TUT7: variants seen among roughly 807,000 people sequenced by gnomAD.
TUT7 encodes terminal uridylyl transferase 7.
A neutral mutation model predicts 165.9 loss-of-function variants in TUT7; 33 were observed. The ratio of observed to expected loss-of-function variants is 0.20; its 90% CI spans 0.15 to 0.27. The LOEUF (loss-of-function observed/expected upper bound fraction) is 0.27. TUT7 is among the 10% of genes least tolerant of loss of function. The pLI, the probability that TUT7 is intolerant of heterozygous loss-of-function variation, is 1.00. For synonymous variants in TUT7, 552 were observed against 608.1 expected (o/e 0.91, Z 1.36); for missense variants, 1,338 against 1,762.3 (o/e 0.76, Z 4.31).
chr9:86,321,269 A>C (rs1265338573), intron 14 of TUT7, among the ~76,000 whole-genome samples: 2 of 151,990 alleles, frequency 1.3e-5, no homozygotes, highest in Admixed American at 6.6e-5. Flanking sequence ...AGGCAGGAGA[A>C]TTGCTTGAAC....
chr9:86,302,503 T>C (rs868198597), intron 25 of TUT7, among the ~76,000 whole-genome samples: 1 of 152,242 alleles, frequency 6.6e-6, no homozygotes, highest in Non-Finnish European at 1.5e-5. Flanking sequence ...AGAATTTTTG[T>C]TTCCTCTTTT....
rs1832433599 is a variant in TUT7, at chr9:86,353,025, C to T, written c.175G>A (p.Gly59Arg). ...KGLQKKKITP[G>R]NYGNTPRKGP... ...TTTCTGGGGGTATTCCCATAGTTCC[C>T]TGGTGTTATCTTCTTTTTTTGAAGG... The change falls in exon 2 of 27, where the codon GGG becomes AGG. Residue 59 changes from glycine to arginine, a missense_variant. Physicochemically the swap from Gly to Arg is moderately radical, Grantham distance 125. This residue lies in a region of TUT7 where 434 missense variants were observed against 480.8 expected (regional missense o/e 0.90). Coordinates refer to ENST00000375963, the MANE Select transcript of TUT7 (RefSeq NM_024617.4). The T allele has an allele frequency of 6.2e-7, 1 of 1,614,062 alleles. No homozygotes were observed. Among genetic ancestry groups the T allele is most frequent in the African/African-American group, 1.3e-5 (1 of 74,928 alleles).
chr9:86,333,362 C>G (rs959943874), intron 10 of TUT7, among the ~76,000 whole-genome samples: 1 of 152,120 alleles, frequency 6.6e-6, no homozygotes, highest in Non-Finnish European at 1.5e-5. Flanking sequence ...CTTGGTATTC[C>G]CATTATACAT....
In TUT7 at chr9:86,345,466, A is replaced by C. The variant is rs75276478; in HGVS notation, c.819+203T>G. ...TGGGTCCTATCAATGACTTCATATA[A>C]CCTGATGCTGCCCTTAAGGAAATTC... On this transcript the variant is annotated intron_variant, in intron 4 of 26. Transcript: ENST00000375963. Among the ~76,000 whole-genome samples, 5,593 of 152,236 alleles carry C rather than the reference A, an allele frequency of 0.037. 348 individuals are homozygous for C. The highest frequency in any genetic ancestry group is 0.13 in the African/African-American group (5,235 of 41,506).
intron 17 of TUT7, among the ~76,000 whole-genome samples, chr9:86,313,473 G>C (rs879616487): frequency 6.6e-6 from 1 of 152,174 alleles, no homozygotes. Flanking sequence ...GTGTGATAGG[G>C]ATATGTGAAG....
At chr9:86,350,909 G>A (rs574394216) in intron 2 of TUT7, among the ~76,000 whole-genome samples, 3 of 152,190 alleles carry the variant, frequency 2.0e-5, no homozygotes, top group East Asian at 3.9e-4. Flanking sequence ...GAGGCAGGTC[G>A]ATCACTTGAG....
chr9:86,353,265 T>C, intron 1 of TUT7, 35 bp from the exon 2 acceptor site: 1 of 1,457,644 alleles, frequency 6.9e-7, no homozygotes, highest in East Asian at 2.3e-5. Context: ...TATCAAACTA[T>C]ATAACAAGAT....
At chr9:86,342,813 T>C (rs1469690827) in intron 6 of TUT7, among the ~76,000 whole-genome samples, 1 of 152,150 alleles carries the variant, frequency 6.6e-6, no homozygotes, top group Non-Finnish European at 1.5e-5. Flanking sequence ...TTACTCTTTT[T>C]AAGTAACAGA....
Position 86,322,985 on chromosome 9 carries a change from T to C in TUT7, c.2765A>G (p.Glu922Gly). 6.2e-7 allele frequency: 1 copy of C among 1,614,100 alleles called. No individual in the cohort carries two copies. Among genetic ancestry groups the C allele is most frequent in the East Asian group, 2.2e-5 (1 of 44,868 alleles). Residue 922 changes from glutamate to glycine, a missense_variant, in exon 13 of 27, where the codon GAA (glutamate) becomes GGA (glycine). By Grantham distance (98) the Glu-to-Gly change is moderately conservative. Transcript: ENST00000375963. ...GKHVERALLV[E>G]LNKISLKEEN... ...TTCCTTGAGACTTATTTTATTAAGT[T>C]CCACTAGGAGAGCTCTTTCTACATG...
At chr9:86,320,584 G>A (rs1018752479) in intron 14 of TUT7, among the ~76,000 whole-genome samples, 2 of 152,156 alleles carry the variant, frequency 1.3e-5, no homozygotes, top group African/African-American at 4.8e-5. Flanking sequence ...AAGGGAGTGT[G>A]TAGTGTTATT....
chr9:86,348,929 TA>T (rs1477923316), intron 2 of TUT7, among the ~76,000 whole-genome samples: 1 of 151,978 alleles, frequency 6.6e-6, no homozygotes, highest in African/African-American at 2.4e-5. Context: ...GCATGCATGG[TA>T]AAAACTGTCA....
intron 11 of TUT7, among the ~76,000 whole-genome samples, chr9:86,326,719 CT>C (rs1829829075): frequency 6.6e-6 from 1 of 152,158 alleles, no homozygotes; most frequent in Admixed American, 6.5e-5. Flanking sequence ...GTGCCCATGG[CT>C]TGTCAGAAGG....
chr9:86,336,335 G>C (rs1830778044), intron 10 of TUT7, among the ~76,000 whole-genome samples: 1 of 152,128 alleles, frequency 6.6e-6, no homozygotes, highest in South Asian at 2.1e-4. Flanking sequence ...TTTTCTACCA[G>C]GACAGTAGTC....
At chr9:86,304,053 T>A (rs2131318852) in intron 24 of TUT7, among the ~76,000 whole-genome samples, 1 of 152,320 alleles carries the variant, frequency 6.6e-6, no homozygotes, top group South Asian at 2.1e-4. Context: ...TTGAGATCTA[T>A]TGCGCAGCAG....
rs1829509593 is a variant in TUT7 at position 86,323,485 on chromosome 9, A to G, written c.2265T>C (p.Val755=). The G allele has an allele frequency of 6.2e-7, 1 of 1,614,178 alleles. No individual in the cohort carries two copies. Among genetic ancestry groups the G allele is most frequent in the South Asian group, 1.1e-5 (1 of 91,088 alleles). ...ETGRKNEKEK[V]GRKGKHLLTV... ...TCAACAGATGCTTGCCCTTCCTTCC[A>G]ACTTTCTCTTTCTCGTTTTTCCTTC... The change falls in exon 13 of 27, where the codon GTT becomes GTC. Residue 755 remains valine, a synonymous_variant. Transcript: ENST00000375963.
intron 10 of TUT7, among the ~76,000 whole-genome samples, chr9:86,332,359 TA>T (rs57418633): frequency 0.23 from 35,317 of 151,952 alleles, 4,411 homozygotes; most frequent in East Asian, 0.47. Context: ...TATGCAGCCA[TA>T]AAAAAACCCA....
chr9:86,289,127 G>C (rs1042774464), intron 26 of TUT7, among the ~76,000 whole-genome samples: 3 of 152,148 alleles, frequency 2.0e-5, no homozygotes, highest in Non-Finnish European at 4.4e-5. Flanking sequence ...AAATATCTTA[G>C]ATCATTACTC....
At chr9:86,322,563 C>A in intron 13 of TUT7, 88 bp from the exon 14 acceptor site, 1 of 1,458,798 alleles carries the variant, frequency 6.9e-7, no homozygotes, top group South Asian at 1.4e-5. Context: ...AGTACACAGT[C>A]ACCTATTCAC....
rs750641324 is a variant in TUT7 at position 86,338,875 on chromosome 9, T to C, written c.1283A>G (p.Lys428Arg). The C allele has an allele frequency of 1.2e-6, 2 of 1,611,720 alleles. No homozygotes were observed. Among genetic ancestry groups the C allele is most frequent in the Admixed American group, 3.4e-5 (2 of 59,646 alleles). Residue 428 changes from lysine to arginine, a missense_variant, in exon 9 of 27, where the codon AAA becomes AGA. Lys to Arg is a conservative substitution (Grantham distance 26). Around this residue, in one of 7 missense-constraint regions of TUT7, gnomAD observed 74 missense variants for 128.5 expected, o/e 0.58. Transcript: ENST00000375963. ...LTTKHLTALGKLEPKLVPLVI... is the reference protein window; with the variant it reads ...LTTKHLTALGRLEPKLVPLVI... The stretch of plus-strand genomic sequence containing the variant: ...CAAAGGAACCAGCTTTGGTTCTAGT[T>C]TTCCAAGGGCAGTTAAATGCTTTGT...
Sources: allele counts gnomAD v4.1 joint callset (sites outside exome capture counted in the v4.1 genomes callset), GRCh38; gene constraint gnomAD v4.1.1; regional missense constraint gnomAD v4.1.1; transcripts MANE v1.5; gene names NCBI Gene and HGNC (gene_info 2026-07-23, HGNC 2026-07-21).